ZSWIM7: variants seen among roughly 807,000 people sequenced by gnomAD.
The protein encoded by ZSWIM7 is zinc finger SWIM domain-containing protein 7.
Under a neutral mutation model 21.1 loss-of-function variants are expected in ZSWIM7, and 22 were observed. That is an observed-to-expected ratio of 1.04 (90% CI 0.74 to 1.49). The LOEUF (loss-of-function observed/expected upper bound fraction) is 1.49. ZSWIM7 is among the 40% of genes most tolerant of loss of function. ZSWIM7 has a pLI of 0.00. For missense variants in ZSWIM7, 193 were observed against 168.0 expected, an observed-to-expected ratio of 1.15 and a Z score of -0.82; for synonymous variants, 67 against 66.5, an observed-to-expected ratio of 1.01 and a Z score of -0.04.
In ZSWIM7 at chr17:15,979,378, A is replaced by G. The variant is rs1970318161; in HGVS notation, c.307-1215T>C. Among the ~76,000 whole-genome samples, 5 of 152,314 alleles carry G rather than the reference A, an allele frequency of 3.3e-5. No homozygotes were observed. The South Asian group carries it at 1.0e-3, about 32-fold the overall frequency. On this transcript the variant is annotated intron_variant, in intron 4 of 4. Coordinates refer to ENST00000399277, the MANE Select transcript of ZSWIM7 (RefSeq NM_001042697.2). Reference sequence around the variant, plus strand: ...TACAGAACAAAATGGAAAGTCTCCCATGTCTACTTCTTTCCACACAGACAC... The same window carrying G: ...TACAGAACAAAATGGAAAGTCTCCCGTGTCTACTTCTTTCCACACAGACAC...
intron 3 of ZSWIM7, among the ~76,000 whole-genome samples, chr17:15,983,784 G>T (rs1970381795): frequency 6.6e-6 from 1 of 151,886 alleles, no homozygotes; most frequent in African/African-American, 2.4e-5. Flanking sequence ...ATGGGGTTTT[G>T]CCATGTTGGC....
intron 4 of ZSWIM7, among the ~76,000 whole-genome samples, chr17:15,980,011 C>T (rs1408844171): frequency 4.1e-5 from 6 of 146,756 alleles, no homozygotes; most frequent in Non-Finnish European, 6.0e-5. Context: ...ATCTCCCGGA[C>T]GAGGCGGCTG....
chr17:15,985,714 A>G (rs1215619222), intron 3 of ZSWIM7, among the ~76,000 whole-genome samples: 1 of 152,224 alleles, frequency 6.6e-6, no homozygotes, highest in East Asian at 1.9e-4. Flanking sequence ...CTGTTGACCA[A>G]TGGGAGGAAC....
At chr17:15,990,243 A>C (rs1970465725) in intron 2 of ZSWIM7, among the ~76,000 whole-genome samples, 1 of 105,370 alleles carries the variant, frequency 9.5e-6, no homozygotes, top group Admixed American at 9.5e-5. Context: ...AAAAAGCAAT[A>C]AACCAAAATT....
chr17:15,992,844 A>G (rs1209802936), intron 2 of ZSWIM7, among the ~76,000 whole-genome samples: 1 of 152,110 alleles, frequency 6.6e-6, no homozygotes, highest in African/African-American at 2.4e-5. Flanking sequence ...AATCATGTCA[A>G]GAAAATATTA....
intron 3 of ZSWIM7, among the ~76,000 whole-genome samples, chr17:15,984,218 T>C (rs929204878): frequency 6.6e-6 from 1 of 152,216 alleles, no homozygotes; most frequent in Non-Finnish European, 1.5e-5. Context: ...TCGAATTTGC[T>C]TTTCGCTTAT....
chr17:15,991,757 C>A lies in ZSWIM7; in HGVS notation c.98+2000G>T, dbSNP rs60889979. Among the ~76,000 whole-genome samples, 768 of 152,206 alleles carry A rather than the reference C, an allele frequency of 5.0e-3. 9 individuals carry two copies. Among genetic ancestry groups the A allele is most frequent in the African/African-American group, 0.017 (722 of 41,538 alleles). On this transcript the variant is annotated intron_variant, in intron 2 of 4. Transcript: ENST00000399277. The stretch of plus-strand genomic sequence containing the variant: ...CCTTCCTTGCCCCAAAGAAAAAACA[C>A]TGGTAGAGCTTGGTATATATTCTTC...
intron 1 of ZSWIM7, 167 bp from the exon 2 acceptor site, chr17:15,993,945 A>C: frequency 3.9e-6 from 2 of 511,972 alleles, no homozygotes; most frequent in Non-Finnish European, 7.2e-6. Flanking sequence ...CCATAATAAA[A>C]GGATTTCCTT....
chr17:15,987,995 C>T (rs773980877), intron 2 of ZSWIM7, among the ~76,000 whole-genome samples: 46 of 152,184 alleles, frequency 3.0e-4, no homozygotes, highest in Non-Finnish European at 5.3e-4. Context: ...CTTCTTCCTA[C>T]CTTCCCCTTA....
intron 4 of ZSWIM7, 26 bp from the exon 5 acceptor site, chr17:15,978,189 T>C: frequency 6.4e-7 from 1 of 1,574,738 alleles, no homozygotes; most frequent in Non-Finnish European, 8.7e-7. Context: ...CACACACCTA[T>C]TAGAAACAGG....
In ZSWIM7 at chr17:15,977,021, A is replaced by C. The variant is rs1450639679; in HGVS notation, c.*1026T>G. 6.6e-6 allele frequency: 1 copy of C among 151,952 alleles called. No individual in the cohort carries two copies. The highest frequency in any genetic ancestry group is 1.5e-5 in the Non-Finnish European group (1 of 67,994). The allele number at this position is 151,952 out of a possible 1,614,324, so 9.4% of individuals were successfully genotyped here. ...TCATCTATTTTGTCTTTTCTTCTTC[A>C]GACTGAAAATCCCTGGTAGTACCTG... On this transcript the variant is annotated 3_prime_UTR_variant, in exon 5 of 5. Transcript: ENST00000399277.
intron 1 of ZSWIM7, among the ~76,000 whole-genome samples, chr17:15,994,437 C>T (rs1970524080): frequency 6.6e-6 from 1 of 152,016 alleles, no homozygotes; most frequent in Admixed American, 6.6e-5. Context: ...TCCACCTCTC[C>T]CCTTCCCCAA....
intron 3 of ZSWIM7, chr17:15,986,997 G>A: frequency 3.9e-6 from 1 of 259,020 alleles, no homozygotes; most frequent in East Asian, 8.0e-5. Context: ...TAAGGTATTA[G>A]ATATGTTAAT....
intron 2 of ZSWIM7, among the ~76,000 whole-genome samples, chr17:15,988,424 A>G (rs538574555): frequency 2.6e-5 from 4 of 152,212 alleles, no homozygotes; most frequent in Non-Finnish European, 4.4e-5. Context: ...AATTATCCCC[A>G]TACATGTCCC....
At chr17:15,992,484 G>T (rs1400268928) in intron 2 of ZSWIM7, among the ~76,000 whole-genome samples, 6 of 137,462 alleles carry the variant, frequency 4.4e-5, no homozygotes, top group African/African-American at 1.7e-4. Flanking sequence ...TTATTGCCCA[G>T]GCTGGAGTGC....
At chr17:15,981,197 C>T in intron 3 of ZSWIM7, 53 bp from the exon 4 acceptor site, 2 of 1,346,818 alleles carry the variant, frequency 1.5e-6, no homozygotes, top group South Asian at 2.5e-5. Context: ...GAAAAACCAC[C>T]TCTTTCCCTT....
intron 2 of ZSWIM7, among the ~76,000 whole-genome samples, chr17:15,992,602 G>A (rs1488076118): frequency 6.6e-6 from 1 of 151,810 alleles, no homozygotes; most frequent in Non-Finnish European, 1.5e-5. Flanking sequence ...ACCATGCTTG[G>A]CTAATTTTGT....
rs1403160568 is a variant in ZSWIM7 at position 15,993,738 on chromosome 17, CAACA to C, written c.98+15_98+18del. Reference sequence around the variant, plus strand: ...TTAATGGTTAAAAAAAAATCAAATACAACAGTATATGTACTTACGATAACAGATA... The same window carrying C: ...TTAATGGTTAAAAAAAAATCAAATACGTATATGTACTTACGATAACAGATA... On this transcript the variant is annotated intron_variant, in intron 2 of 4. Transcript: ENST00000399277. 6.9e-7 allele frequency: 1 copy of C among 1,445,046 alleles called. No individual in the cohort carries two copies. The highest frequency in any genetic ancestry group is 1.4e-5 in the African/African-American group (1 of 69,620). The allele number at this position is 1,445,046 out of a possible 1,614,324, so 89.5% of individuals were successfully genotyped here. A position where few individuals can be genotyped will look rare whatever the true frequency, so the allele number is the denominator to read the frequency against.
At position 15,977,903 on chromosome 17, in the gene ZSWIM7, C is replaced by G; in HGVS notation, c.*144G>C. Reference sequence around the variant, plus strand: ...AGCCCACGGCTCCAACCCACAGCACCTCCTGCAGTCCTGGAGGGAAAAGGG... The same window carrying G: ...AGCCCACGGCTCCAACCCACAGCACGTCCTGCAGTCCTGGAGGGAAAAGGG... On this transcript the variant is annotated 3_prime_UTR_variant, in exon 5 of 5. Coordinates refer to ENST00000399277, the MANE Select transcript of ZSWIM7 (RefSeq NM_001042697.2). 1.5e-6 allele frequency: 1 copy of G among 687,578 alleles called. No homozygotes were observed. Among genetic ancestry groups the G allele is most frequent in the Non-Finnish European group, 2.5e-6 (1 of 396,520 alleles). 42.6% of individuals were successfully genotyped at this position (687,578 alleles called of 1,614,324 possible).
Sources: gnomAD v4.1 joint callset for allele counts (sites outside exome capture counted in the v4.1 genomes callset) on GRCh38, gnomAD v4.1.1 for gene constraint, MANE v1.5 for transcripts, NCBI Gene and HGNC (gene_info 2026-07-23, HGNC 2026-07-21) for gene names.